The following SPNS1 variants were observed in gnomAD, a reference collection of about 807,000 sequenced individuals.
SPNS1 encodes the protein SPNS lysolipid transporter 1, lysophospholipid, also known as protein spinster homolog 1.
A neutral mutation model predicts 50.3 loss-of-function variants in SPNS1; 22 were observed. That is an observed-to-expected ratio of 0.44 (90% CI 0.31 to 0.62). SPNS1 has a LOEUF of 0.62. Ranked by LOEUF, SPNS1 falls within the 20% of genes least tolerant of loss-of-function variation. The pLI, the probability that SPNS1 is intolerant of heterozygous loss-of-function variation, is 0.07. For synonymous variants in SPNS1, 295 were observed against 317.4 expected, an observed-to-expected ratio of 0.93 and a Z score of 0.75; for missense variants, 576 against 728.6, an observed-to-expected ratio of 0.79 and a Z score of 2.41.
chr16:28,982,982 A>C (rs374739255), intron 9 of SPNS1, 60 bp downstream of exon 9: 1 of 1,578,960 alleles, frequency 6.3e-7, no homozygotes, highest in Non-Finnish European at 8.7e-7. Flanking sequence ...AGTTGGGGTC[A>C]GGAGTGTTGC....
At position 28,975,434 on chromosome 16, in the gene SPNS1, G is replaced by A. The variant is rs748895324; in HGVS notation, c.241+42G>A. ...GGGAGGAAGATAGTCTAGGAGAGGG[G>A]AGCCAGGGTCCCGAGGGTGGCGCTG... is the stretch of plus-strand genomic sequence containing the variant. On this transcript the variant is annotated intron_variant, in intron 1 of 11. Transcript: ENST00000311008. 2.5e-6 allele frequency: 4 copies of A among 1,614,250 alleles called. No individual in the cohort carries two copies. The South Asian group carries it at 3.3e-5, about 13-fold the overall frequency.
At chr16:28,982,715 GT>G in intron 8 of SPNS1, 141 bp from the exon 9 acceptor site, 1 of 1,209,692 alleles carries the variant, frequency 8.3e-7, no homozygotes, top group Non-Finnish European at 1.2e-6. Flanking sequence ...GTTTCATCAT[GT>G]GTAAAATGGG....
rs753579824 is a variant in SPNS1 at position 28,981,562 on chromosome 16, G to T, written c.756G>T (p.Leu252Phe). 1 of 1,613,984 alleles carries T rather than the reference G, an allele frequency of 6.2e-7. No homozygotes were observed. The highest frequency in any genetic ancestry group is 1.1e-5 in the South Asian group (1 of 91,090). Residue 252 changes from leucine to phenylalanine, a missense_variant, in exon 6 of 12, where the codon TTG (leucine) becomes TTT (phenylalanine). Around this residue, in one of 3 missense-constraint regions of SPNS1, gnomAD observed 428 missense variants for 520.1 expected, o/e 0.82. Coordinates refer to ENST00000311008, the MANE Select transcript of SPNS1 (RefSeq NM_032038.3). This position sits in a 1 kb window ranked among gnomAD's most constrained non-coding sequence, Gnocchi z 4.2. The stretch of plus-strand genomic sequence containing the variant: ...GAGCCGTGGAGCGCCACTCAGATTT[G>T]CCACCCCTGAACCCCACCTCGTGGT... ...PRGAVERHSD[L>F]PPLNPTSWWA... is the part of the protein sequence containing the mutation.
Position 28,984,435 on chromosome 16 carries a change from C to T in SPNS1, c.*136C>T. On this transcript the variant is annotated 3_prime_UTR_variant, in exon 12 of 12. Coordinates refer to ENST00000311008, the MANE Select transcript of SPNS1 (RefSeq NM_032038.3). The stretch of plus-strand genomic sequence containing the variant: ...GCCGTGTGCCAGCTCCCAGACACTA[C>T]CTGGGTAGCTCAGGGGAGGAGGTGG... The T allele has an allele frequency of 1.1e-6, 1 of 904,590 alleles. No individual in the cohort carries two copies. The allele number at this position is 904,590 out of a possible 1,614,324, so 56.0% of individuals were successfully genotyped here.
chr16:28,978,080 C>T (rs368155910), intron 3 of SPNS1, 36 bp downstream of exon 3: 36 of 1,601,054 alleles, frequency 2.2e-5, no homozygotes, highest in Non-Finnish European at 2.8e-5. Context: ...TCTGCCCACA[C>T]CCCCTCCCTG....
Position 28,975,529 on chromosome 16 carries a change from G to T in SPNS1, c.279G>T (p.Gly93=). ...ACATCGAGCAGTTCTTCAACATCGG[G>T]GACAGTAGCTCTGGGCTCATCCAGA... ...LPDIEQFFNI[G]DSSSGLIQTV... The change falls in exon 2 of 12, where the codon GGG becomes GGT. Residue 93 remains glycine, a synonymous_variant. Transcript: ENST00000311008. The T allele has an allele frequency of 6.2e-7, 1 of 1,614,210 alleles. No homozygotes were observed.
rs1188614210 is a variant in SPNS1, at chr16:28,975,861, A to G, written c.307+304A>G. Among the ~76,000 whole-genome samples the G allele has an allele frequency of 4.6e-5, 7 of 152,304 alleles. No individual in the cohort carries two copies. In the South Asian group the frequency reaches 1.0e-3, roughly 23 times the overall value. On this transcript the variant is annotated intron_variant, in intron 2 of 11. Transcript: ENST00000311008. ...TCTCTAAGCCTCATTTTCCTTGTCT[A>G]TAAGATGGAACAAGTAATAACACGA...
chr16:28,975,325 G>A lies in SPNS1; in HGVS notation c.174G>A (p.Ser58=). Residue 58 remains serine, a synonymous_variant, in exon 1 of 12, where the codon TCG becomes TCA. Coordinates refer to ENST00000311008, the MANE Select transcript of SPNS1 (RefSeq NM_032038.3). ...TCACCGGCCTGTCTCCCGGCCGTTC[G>A]GCTCTCATAGTGGCGGTGCTGTGCT... ...QRITGLSPGR[S]ALIVAVLCYI... 6.3e-7 allele frequency: 1 copy of A among 1,585,758 alleles called. No individual in the cohort carries two copies. Among genetic ancestry groups the A allele is most frequent in the Non-Finnish European group, 8.6e-7 (1 of 1,162,304 alleles).
At position 28,977,931 on chromosome 16, in the gene SPNS1, T is replaced by C. The variant is rs764869232; in HGVS notation, c.331T>C (p.Leu111=). 81 of 1,613,896 alleles carry C rather than the reference T, an allele frequency of 5.0e-5. No homozygotes were observed. Among genetic ancestry groups the C allele is most frequent in the Non-Finnish European group, 6.8e-5 (80 of 1,179,896 alleles). The change falls in exon 3 of 12, where the codon TTG becomes CTG. Residue 111 remains leucine, a synonymous_variant. Transcript: ENST00000311008. ...QTVFISSYMV[L]APVFGYLGDR... The stretch of plus-strand genomic sequence containing the variant: ...AGTGTTCATCTCCAGTTACATGGTG[T>C]TGGCACCTGTGTTTGGCTACCTGGG...
chr16:28,979,061 G>T (rs918095734), intron 3 of SPNS1, 94 bp from the exon 4 acceptor site: 2 of 1,480,778 alleles, frequency 1.4e-6, no homozygotes, highest in Admixed American at 2.0e-5. Context: ...GGCATCTCCC[G>T]CCATCCCTGC....
chr16:28,975,281 C>G lies in SPNS1; in HGVS notation c.130C>G (p.Gln44Glu). 6.4e-7 allele frequency: 1 copy of G among 1,574,160 alleles called. No individual in the cohort carries two copies. The highest frequency in any genetic ancestry group is 1.2e-5 in the South Asian group (1 of 86,468). The change falls in exon 1 of 12, where the codon CAG becomes GAG. Residue 44 changes from glutamine (Q) to glutamate (E), a missense_variant. Physicochemically the swap from Gln to Glu is conservative, Grantham distance 29. Transcript: ENST00000311008. ...PKSEEPEVPD[Q>E]EGLQRITGLS... ...GTCCGAGGAGCCCGAGGTCCCGGAC[C>G]AGGAGGGGCTGCAGCGCATCACCGG... is the stretch of plus-strand genomic sequence containing the variant.
In SPNS1 at chr16:28,984,282, G is replaced by T; in HGVS notation, c.1570G>T (p.Ala524Ser). 2.5e-6 allele frequency: 4 copies of T among 1,612,592 alleles called. No individual in the cohort carries two copies. The highest frequency in any genetic ancestry group is 3.4e-6 in the Non-Finnish European group (4 of 1,179,870). ...QRGRSTRVPV[A>S]SVLI The stretch of plus-strand genomic sequence containing the variant: ...GGGCCGCTCCACCCGCGTGCCCGTG[G>T]CCAGTGTGCTCATCTGAGAGGCTGC... The change falls in exon 12 of 12, where the codon GCC becomes TCC. Residue 524 changes from alanine (A) to serine (S), a missense_variant. Physicochemically the swap from Ala to Ser is moderately conservative, Grantham distance 99. Coordinates refer to ENST00000311008, the MANE Select transcript of SPNS1 (RefSeq NM_032038.3).
At chr16:28,977,712 T>C (rs1410084033) in intron 2 of SPNS1, among the ~76,000 whole-genome samples, 196 bp from the exon 3 acceptor site, 1 of 152,070 alleles carries the variant, frequency 6.6e-6, no homozygotes, top group Non-Finnish European at 1.5e-5. Flanking sequence ...CAATGGGAAA[T>C]CTGGAAAGGT....
rs767671603 is a variant in SPNS1, at chr16:28,984,446, C to G, written c.*147C>G. The G allele has an allele frequency of 3.2e-5, 26 of 813,312 alleles. No individual in the cohort carries two copies. The highest frequency in any genetic ancestry group is 5.3e-5 in the Non-Finnish European group (26 of 486,628). 50.4% of individuals were successfully genotyped at this position (813,312 alleles called of 1,614,324 possible). On this transcript the variant is annotated 3_prime_UTR_variant, in exon 12 of 12. Coordinates refer to ENST00000311008, the MANE Select transcript of SPNS1 (RefSeq NM_032038.3). ...GCTCCCAGACACTACCTGGGTAGCT[C>G]AGGGGAGGAGGTGGGGGTCCAGGAG...
chr16:28,976,099 C>T (rs1183924115), intron 2 of SPNS1, among the ~76,000 whole-genome samples: 1 of 152,068 alleles, frequency 6.6e-6, no homozygotes, highest in African/African-American at 2.4e-5. Context: ...TGACGAAACC[C>T]CATCTGTACT....
rs759731250 is a variant in SPNS1, at chr16:28,982,849, T to C, written c.1156-8T>C. 1.3e-5 allele frequency: 21 copies of C among 1,613,514 alleles called. No homozygotes were observed. The South Asian group carries it at 2.0e-4, about 15-fold the overall frequency. On this transcript the variant is annotated splice_polypyrimidine_tract_variant and splice_region_variant and intron_variant, in intron 8 of 11. Transcript: ENST00000311008. ...CTGTCATGAACCCCCGACCCTCTCTTCCCCCAGATTTTCATCTTCATTGGA... is the reference window on the plus strand; with the variant it reads ...CTGTCATGAACCCCCGACCCTCTCTCCCCCCAGATTTTCATCTTCATTGGA...
chr16:28,981,609 C>T lies in SPNS1; in HGVS notation c.803C>T (p.Ala268Val), dbSNP rs773385028. ...TSWWADLRALARNPSFVLSSL... is the reference protein window; with the variant it reads ...TSWWADLRALVRNPSFVLSSL... ...TGGTGGGCAGATCTGAGGGCTCTGG[C>T]AAGAAAGTGAGTTTATTCCCACCCT... Residue 268 changes from alanine to valine, a missense_variant, in exon 6 of 12, where the codon GCA becomes GTA. Ala to Val is a moderately conservative substitution (Grantham distance 64). Around this residue, in one of 3 missense-constraint regions of SPNS1, gnomAD observed 428 missense variants for 520.1 expected, o/e 0.82. Transcript: ENST00000311008. The surrounding 1 kb of genome is among the most constrained non-coding windows in gnomAD (Gnocchi z 4.2). 16 of 1,613,838 alleles carry T rather than the reference C, an allele frequency of 9.9e-6. No homozygotes were observed. The highest frequency in any genetic ancestry group is 1.4e-5 in the Non-Finnish European group (16 of 1,179,940).
chr16:28,979,817 A>C (rs553569327), intron 5 of SPNS1: 1 of 263,696 alleles, frequency 3.8e-6, no homozygotes, highest in Non-Finnish European at 7.6e-6. Flanking sequence ...GAGGTCAGGA[A>C]TTCAAGACCA....
rs74673698 is a variant in SPNS1 at position 28,975,206 on chromosome 16, G to A, written c.55G>A (p.Gly19Arg). The part of the protein sequence containing the change: ...FLSQADDPDD[G>R]PVPGTPGLPG... Reference sequence around the variant, plus strand: ...CAGCCAGGCGGATGACCCGGACGACGGGCCAGTGCCTGGCACCCCGGGGTT... The same window carrying A: ...CAGCCAGGCGGATGACCCGGACGACAGGCCAGTGCCTGGCACCCCGGGGTT... Residue 19 changes from glycine (G) to arginine (R), a missense_variant, in exon 1 of 12, where the codon GGG becomes AGG. This residue lies in a region of SPNS1 where 144 missense variants were observed against 181.2 expected (regional missense o/e 0.79). Transcript: ENST00000311008. The A allele has an allele frequency of 3.3e-3, 4,899 of 1,504,536 alleles. 151 individuals carry two copies. The African/African-American group carries it at 0.06, about 18-fold the overall frequency. 93.2% of individuals were successfully genotyped at this position (1,504,536 alleles called of 1,614,324 possible).
Sources: allele counts gnomAD v4.1 joint callset (sites outside exome capture counted in the v4.1 genomes callset), GRCh38; gene constraint gnomAD v4.1.1; regional missense constraint gnomAD v4.1.1; non-coding constraint Gnocchi (gnomAD v3.1); transcripts MANE v1.5; gene names NCBI Gene and HGNC (gene_info 2026-07-23, HGNC 2026-07-21).